The following KCNMA1 variants were observed in gnomAD, a reference collection of about 807,000 sequenced individuals.
The protein encoded by KCNMA1 is potassium calcium-activated channel subfamily M alpha 1, also known as Calcium-activated potassium channel subunit alpha-1.
A neutral mutation model predicts 140.0 loss-of-function variants in KCNMA1; 29 were observed. The observed-to-expected ratio is 0.21, with a 90% confidence interval of 0.15 to 0.28. The LOEUF (loss-of-function observed/expected upper bound fraction) is 0.28, where lower values mean the gene tolerates loss of function less well. Ranked by LOEUF, KCNMA1 falls within the 10% of genes least tolerant of loss-of-function variation. KCNMA1 has a pLI of 1.00. For synonymous variants in KCNMA1, 612 were observed against 611.9 expected (o/e 1.00, Z 0.00); for missense variants, 880 against 1,602.2 (o/e 0.55, Z 7.70).
At chr10:77,573,836 CTTTTTTT>C (rs71028290) in intron 1 of KCNMA1, among the ~76,000 whole-genome samples, 4 of 133,718 alleles carry the variant, frequency 3.0e-5, no homozygotes, top group African/African-American at 1.1e-4. Context: ...TTATAATACT[CTTTTTTT>C]TTTTTTTTTT....
chr10:77,473,191 T>C (rs971207566), intron 1 of KCNMA1, among the ~76,000 whole-genome samples: 3 of 152,206 alleles, frequency 2.0e-5, no homozygotes, highest in Non-Finnish European at 4.4e-5. Context: ...GTTTTCACCA[T>C]AGGCCCTCAA....
chr10:77,014,880 C>T (rs1001137624), intron 17 of KCNMA1, among the ~76,000 whole-genome samples: 4 of 152,200 alleles, frequency 2.6e-5, no homozygotes, highest in African/African-American at 7.2e-5. Flanking sequence ...ATGCTCACCT[C>T]GCAAAGCCCC....
intron 3 of KCNMA1, among the ~76,000 whole-genome samples, chr10:77,191,353 A>G (rs1199814121): frequency 6.6e-6 from 1 of 152,214 alleles, no homozygotes; most frequent in Non-Finnish European, 1.5e-5. Flanking sequence ...AAGCAATAAT[A>G]TTTATATAGA....
intron 2 of KCNMA1, among the ~76,000 whole-genome samples, chr10:77,376,948 AATACATACATACATACATAC>A (rs66548732): frequency 6.7e-6 from 1 of 148,314 alleles, no homozygotes; most frequent in African/African-American, 2.5e-5. Context: ...AAAATAAATA[AATACATACATACATACATAC>A]ATACATACAT....
At chr10:76,882,533 G>T (rs1589431854), downstream of KCNMA1, among the ~76,000 whole-genome samples, 1 of 152,114 alleles carries the variant, frequency 6.6e-6, no homozygotes, top group African/African-American at 2.4e-5. Context: ...TGTGAGCAAA[G>T]TATGCTTATT....
intron 2 of KCNMA1, among the ~76,000 whole-genome samples, chr10:77,251,766 T>C (rs1313873135): frequency 1.3e-5 from 2 of 152,190 alleles, no homozygotes; most frequent in Admixed American, 6.5e-5. Flanking sequence ...CAATCATCAC[T>C]GTAATCCAGT....
intron 1 of KCNMA1, among the ~76,000 whole-genome samples, chr10:77,462,761 C>T (rs573960900): frequency 5.3e-5 from 8 of 152,302 alleles, no homozygotes; most frequent in South Asian, 2.1e-4. Flanking sequence ...CCTCAATGGA[C>T]GGATGAATGA....
chr10:77,352,778 C>T (rs544479170), intron 2 of KCNMA1, among the ~76,000 whole-genome samples: 3 of 152,312 alleles, frequency 2.0e-5, no homozygotes. Context: ...TATCAAAAGA[C>T]ATTTCTTACC....
At chr10:77,510,962 A>G (rs767594866) in intron 1 of KCNMA1, among the ~76,000 whole-genome samples, 1 of 152,246 alleles carries the variant, frequency 6.6e-6, no homozygotes, top group Non-Finnish European at 1.5e-5. Flanking sequence ...TTAACAACAC[A>G]TGGAGTGAGC....
intron 1 of KCNMA1, among the ~76,000 whole-genome samples, chr10:77,471,647 T>C (rs949563114): frequency 2.8e-5 from 4 of 142,682 alleles, no homozygotes; most frequent in Non-Finnish European, 6.1e-5. Context: ...CCAACACATA[T>C]AGACACATCA....
chr10:76,966,753 G>A (rs1175083937), intron 20 of KCNMA1, among the ~76,000 whole-genome samples: 1 of 152,156 alleles, frequency 6.6e-6, no homozygotes, highest in African/African-American at 2.4e-5. Flanking sequence ...GAGAGAGCCG[G>A]GGACTTGGAA....
At chr10:77,316,867 G>T (rs1302605509) in intron 2 of KCNMA1, among the ~76,000 whole-genome samples, 6 of 152,156 alleles carry the variant, frequency 3.9e-5, no homozygotes, top group Middle Eastern at 3.2e-3. Flanking sequence ...GGAAAGTAGG[G>T]ATATGGTCTG....
At chr10:76,930,846 G>A (rs773911073) in intron 23 of KCNMA1, among the ~76,000 whole-genome samples, 25 of 152,170 alleles carry the variant, frequency 1.6e-4, no homozygotes, top group Non-Finnish European at 2.4e-4. Context: ...CAACAACATA[G>A]ATGAACTGGA....
intron 5 of KCNMA1, among the ~76,000 whole-genome samples, chr10:77,180,728 G>C (rs2098796510): frequency 6.6e-6 from 1 of 152,076 alleles, no homozygotes; most frequent in Non-Finnish European, 1.5e-5. Context: ...TATAGTAGAT[G>C]CTCAATAAAT....
chr10:77,382,865 C>CAAAAA (rs767673552), intron 2 of KCNMA1, among the ~76,000 whole-genome samples: 41 of 47,598 alleles, frequency 8.6e-4, no homozygotes, highest in South Asian at 1.5e-3. Context: ...AGCTCCGTCT[C>CAAAAA]AAAAAAAAAA....
intron 18 of KCNMA1, among the ~76,000 whole-genome samples, chr10:77,007,812 A>G (rs1171370326): frequency 1.3e-5 from 2 of 151,938 alleles, no homozygotes; most frequent in Non-Finnish European, 2.9e-5. Flanking sequence ...AAGCATCTGG[A>G]GTTATAGTGG....
intron 15 of KCNMA1, among the ~76,000 whole-genome samples, chr10:77,038,969 A>C (rs1283665356): frequency 6.6e-6 from 1 of 152,182 alleles, no homozygotes; most frequent in Non-Finnish European, 1.5e-5. Context: ...AGCCAGTGGA[A>C]AGAGAAGCTA....
chr10:76,955,864 T>C (rs4980118), intron 20 of KCNMA1, among the ~76,000 whole-genome samples: 105,843 of 152,020 alleles, frequency 0.7, 37,156 homozygotes, highest in East Asian at 0.89. Context: ...TTCCAGCCCA[T>C]GAAGAACATA....
At chr10:76,944,592 T>C (rs555567160) in intron 23 of KCNMA1, among the ~76,000 whole-genome samples, 181 bp downstream of exon 23, 1 of 152,314 alleles carries the variant, frequency 6.6e-6, no homozygotes, top group South Asian at 2.1e-4. Flanking sequence ...GTCTCAAGCC[T>C]GCATTCTGGA....
Sources: gnomAD v4.1 joint callset for allele counts (sites outside exome capture counted in the v4.1 genomes callset) on GRCh38, gnomAD v4.1.1 for gene constraint, MANE v1.5 for transcripts, NCBI Gene and HGNC (gene_info 2026-07-23, HGNC 2026-07-21) for gene names.